The following USP43 variants were observed in gnomAD, a reference collection of about 807,000 sequenced individuals.
USP43 encodes ubiquitin specific peptidase 43.
USP43 carries 33 observed loss-of-function variants against 90.7 expected under a neutral mutation model. That is an observed-to-expected ratio of 0.36 (90% CI 0.28 to 0.49). The LOEUF (loss-of-function observed/expected upper bound fraction) is 0.49, where lower values mean the gene tolerates loss of function less well. Among genes scored for constraint, USP43 ranks in the 20% least tolerant of loss-of-function variants. The probability of loss-of-function intolerance (pLI) is 0.98; values close to 1 mark genes in which losing one functional copy is unlikely to be tolerated. For missense variants in USP43, 1,274 were observed against 1,476.4 expected, an observed-to-expected ratio of 0.86 and a Z score of 2.25; for synonymous variants, 598 against 615.8, an observed-to-expected ratio of 0.97 and a Z score of 0.43.
chr17:9,693,061 T>A (rs1915052311), intron 8 of USP43, 66 bp from the exon 9 acceptor site: 3 of 1,208,440 alleles, frequency 2.5e-6, no homozygotes, highest in Non-Finnish European at 3.6e-6. Context: ...TATGCGCCCC[T>A]TTAGAGTCTA....
intron 12 of USP43, among the ~76,000 whole-genome samples, chr17:9,703,319 G>GT (rs1456036804): frequency 1.3e-5 from 2 of 152,148 alleles, no homozygotes; most frequent in Non-Finnish European, 2.9e-5. Context: ...AACTCACAGG[G>GT]TGGCCCCACA....
At chr17:9,693,360 A>G (rs1220365802) in intron 9 of USP43, 130 bp downstream of exon 9, 1 of 747,928 alleles carries the variant, frequency 1.3e-6, no homozygotes, top group Admixed American at 2.4e-5. Context: ...CTCCAGTACC[A>G]GCCGCTATGT....
rs1253635747 is a variant in USP43, at chr17:9,701,367, G to T, written c.1678G>T (p.Ala560Ser). 1 of 1,597,974 alleles carries T rather than the reference G, an allele frequency of 6.3e-7. No homozygotes were observed. The highest frequency in any genetic ancestry group is 8.5e-7 in the Non-Finnish European group (1 of 1,172,468). ...TKEEQLAQDDAWKCPHCQVLQ... is the reference protein window; with the variant it reads ...TKEEQLAQDDSWKCPHCQVLQ... ...TGCTTTCCAGCTGGCCCAGGATGAC[G>T]CCTGGAAGTGTCCTCACTGCCAAGT... is the stretch of plus-strand genomic sequence containing the variant. Residue 560 changes from alanine (A) to serine (S), a missense_variant, in exon 12 of 15, where the codon GCC (alanine) becomes TCC (serine). Physicochemically the swap from Ala to Ser is moderately conservative, Grantham distance 99. Transcript: ENST00000285199. The surrounding 1 kb of genome is among the most constrained non-coding windows in gnomAD (Gnocchi z 7.2).
intron 2 of USP43, among the ~76,000 whole-genome samples, chr17:9,660,162 T>C (rs1567648995): frequency 6.6e-6 from 1 of 152,118 alleles, no homozygotes; most frequent in East Asian, 1.9e-4. Context: ...CAATAATTCT[T>C]TTTTTTGAGA....
In USP43 at chr17:9,724,793, G is replaced by A. The variant is rs144911159; in HGVS notation, c.2336-3161G>A. Reference sequence around the variant, plus strand: ...TTTTTCCTTCAACTGTATCCCAAGCGTTGAAGACAGTCCTTGGCACATGGC... The same window carrying A: ...TTTTTCCTTCAACTGTATCCCAAGCATTGAAGACAGTCCTTGGCACATGGC... On this transcript the variant is annotated intron_variant, in intron 14 of 14. Coordinates refer to ENST00000285199, the MANE Select transcript of USP43 (RefSeq NM_153210.5). Among the ~76,000 whole-genome samples, 783 of 152,344 alleles carry A rather than the reference G, an allele frequency of 5.1e-3. 2 individuals are homozygous for A. The highest frequency in any genetic ancestry group is 8.4e-3 in the Non-Finnish European group (571 of 68,028).
intron 1 of USP43, among the ~76,000 whole-genome samples, chr17:9,654,350 G>A (rs1342986963): frequency 1.3e-5 from 2 of 152,096 alleles, no homozygotes. Flanking sequence ...ATGCAGAGAA[G>A]CCTGGGGGAA....
chr17:9,727,772 G>A (rs180836772), intron 14 of USP43, among the ~76,000 whole-genome samples, 182 bp from the exon 15 acceptor site: 22 of 152,308 alleles, frequency 1.4e-4, no homozygotes, highest in Admixed American at 7.8e-4. Context: ...TGGATATTGA[G>A]GAAGAGTGGG....
intron 1 of USP43, among the ~76,000 whole-genome samples, chr17:9,650,071 C>G (rs8080673): frequency 2.0e-5 from 3 of 152,048 alleles, no homozygotes; most frequent in Non-Finnish European, 4.4e-5. Flanking sequence ...ACCACTCTTA[C>G]GTTTTGTAAG....
chr17:9,708,932 T>C (rs1429915697), intron 12 of USP43, among the ~76,000 whole-genome samples: 5 of 152,146 alleles, frequency 3.3e-5, no homozygotes, highest in African/African-American at 1.2e-4. Flanking sequence ...CGGCCTGTTT[T>C]TTTTCCCCCG....
intron 1 of USP43, among the ~76,000 whole-genome samples, chr17:9,652,074 T>C (rs1023628503): frequency 6.6e-6 from 1 of 151,838 alleles, no homozygotes; most frequent in Non-Finnish European, 1.5e-5. Context: ...AGTTATGCCA[T>C]GTTGAAGGAG....
rs768125626 is a variant in USP43, at chr17:9,701,630, G to A, written c.1941G>A (p.Pro647=). 42 of 1,590,316 alleles carry A rather than the reference G, an allele frequency of 2.6e-5. No homozygotes were observed. Among genetic ancestry groups the A allele is most frequent in the Middle Eastern group, 1.7e-4 (1 of 6,052 alleles). ...CGGACTGCCTGCCCACCAGTTACCCGCTGGACTTCCTGTACGACCTGTATG... is the reference window on the plus strand; with the variant it reads ...CGGACTGCCTGCCCACCAGTTACCCACTGGACTTCCTGTACGACCTGTATG... ...KQPDCLPTSY[P]LDFLYDLYAV... The change falls in exon 12 of 15, where the codon CCG becomes CCA. Residue 647 remains proline (P), a synonymous_variant. Coordinates refer to ENST00000285199, the MANE Select transcript of USP43 (RefSeq NM_153210.5). The surrounding 1 kb of genome is among the most constrained non-coding windows in gnomAD (Gnocchi z 7.2).
intron 12 of USP43, among the ~76,000 whole-genome samples, chr17:9,708,181 G>A (rs979742878): frequency 6.6e-6 from 1 of 152,206 alleles, no homozygotes; most frequent in African/African-American, 2.4e-5. Context: ...AGCCATTCAG[G>A]GGTAATTGAT....
At chr17:9,700,950 A>G (rs1915528623) in intron 10 of USP43, among the ~76,000 whole-genome samples, 169 bp from the exon 11 acceptor site, 1 of 152,182 alleles carries the variant, frequency 6.6e-6, no homozygotes, top group Non-Finnish European at 1.5e-5. Context: ...CCAGTAAAAT[A>G]TAGTGCTGAG....
chr17:9,704,381 C>T (rs1313326289), intron 12 of USP43, among the ~76,000 whole-genome samples: 1 of 152,144 alleles, frequency 6.6e-6, no homozygotes, highest in Non-Finnish European at 1.5e-5. Flanking sequence ...CGGCTCACTG[C>T]AATCTCTGCC....
intron 7 of USP43, among the ~76,000 whole-genome samples, chr17:9,683,500 A>G (rs1459109402): frequency 1.3e-5 from 2 of 152,172 alleles, no homozygotes; most frequent in African/African-American, 2.4e-5. Context: ...AAACAAAAAG[A>G]TTATTTAATA....
In USP43 at chr17:9,701,624, T is replaced by C; in HGVS notation, c.1935T>C (p.Ser645=). 6.3e-7 allele frequency: 1 copy of C among 1,589,138 alleles called. No individual in the cohort carries two copies. The highest frequency in any genetic ancestry group is 8.6e-7 in the Non-Finnish European group (1 of 1,168,552). Residue 645 remains serine (S), a synonymous_variant, in exon 12 of 15, where the codon AGT becomes AGC. Coordinates refer to ENST00000285199, the MANE Select transcript of USP43 (RefSeq NM_153210.5). The surrounding 1 kb of genome is among the most constrained non-coding windows in gnomAD (Gnocchi z 7.2). ...SWKQPDCLPT[S]YPLDFLYDLY... ...AGCAGCCGGACTGCCTGCCCACCAG[T>C]TACCCGCTGGACTTCCTGTACGACC...
At chr17:9,718,988 C>T (rs1597893528) in intron 14 of USP43, among the ~76,000 whole-genome samples, 1 of 152,004 alleles carries the variant, frequency 6.6e-6, no homozygotes, top group Admixed American at 6.6e-5. Context: ...TATGGCTGGG[C>T]ACCGTGGCTC....
intron 3 of USP43, 72 bp downstream of exon 3, chr17:9,666,823 C>A: frequency 8.3e-7 from 1 of 1,208,418 alleles, no homozygotes; most frequent in East Asian, 2.5e-5. Flanking sequence ...ACCAGTCTCC[C>A]ATTGACAGAT....
chr17:9,666,996 G>C (rs1330897921), intron 3 of USP43, among the ~76,000 whole-genome samples: 1 of 152,170 alleles, frequency 6.6e-6, no homozygotes. Context: ...GGGGTGATAA[G>C]AGGATGATTC....
Sources: gnomAD v4.1 joint callset for allele counts (sites outside exome capture counted in the v4.1 genomes callset) on GRCh38, gnomAD v4.1.1 for gene constraint, Gnocchi (gnomAD v3.1) non-coding constraint, MANE v1.5 for transcripts, NCBI Gene and HGNC (gene_info 2026-07-23, HGNC 2026-07-21) for gene names.